The following CCSER1 variants were observed in gnomAD, a reference collection of about 807,000 sequenced individuals.
CCSER1 encodes the protein serine-rich coiled-coil domain-containing protein 1.
In CCSER1, 41 loss-of-function variants were observed where a neutral mutation model predicts 82.0. That is an observed-to-expected ratio of 0.50 (90% CI 0.39 to 0.65). The LOEUF is 0.65. Among genes scored for constraint, CCSER1 ranks in the 30% least tolerant of loss-of-function variants. The pLI, the probability that CCSER1 is intolerant of heterozygous loss-of-function variation, is 0.00. For synonymous variants in CCSER1, 414 were observed against 383.9 expected, an observed-to-expected ratio of 1.08 and a Z score of -0.92; for missense variants, 1,119 against 1,064.2, an observed-to-expected ratio of 1.05 and a Z score of -0.72.
intron 1 of CCSER1, among the ~76,000 whole-genome samples, chr4:90,147,410 C>A (rs1172437140): frequency 6.6e-6 from 1 of 151,978 alleles, no homozygotes; most frequent in African/African-American, 2.4e-5. Context: ...CAAAAGTATT[C>A]CATTATAAAT....
chr4:90,188,040 A>G (rs1178543878), intron 1 of CCSER1, among the ~76,000 whole-genome samples: 1 of 151,832 alleles, frequency 6.6e-6, no homozygotes. Context: ...CTCCTTTTAG[A>G]TTGGTTTACT....
chr4:90,891,023 C>G (rs762411991), intron 8 of CCSER1, among the ~76,000 whole-genome samples: 4 of 151,994 alleles, frequency 2.6e-5, no homozygotes, highest in Non-Finnish European at 5.9e-5. Flanking sequence ...CAATAATATC[C>G]TGATGTAGAT....
At chr4:91,464,370 G>A (rs1756724297) in intron 10 of CCSER1, among the ~76,000 whole-genome samples, 2 of 152,010 alleles carry the variant, frequency 1.3e-5, no homozygotes, top group South Asian at 2.1e-4. Context: ...ACATGCAAAG[G>A]AACAACCGGT....
At chr4:91,530,424 G>T (rs190121651) in intron 10 of CCSER1, among the ~76,000 whole-genome samples, 68 of 152,090 alleles carry the variant, frequency 4.5e-4, no homozygotes, top group Admixed American at 6.5e-4. Context: ...ATTCCCATCT[G>T]TTATATTATC....
intron 6 of CCSER1, among the ~76,000 whole-genome samples, chr4:90,635,700 A>G (rs1036422083): frequency 6.6e-6 from 1 of 151,888 alleles, no homozygotes; most frequent in African/African-American, 2.4e-5. Flanking sequence ...AAGTTCTAGT[A>G]TTAAATAGTA....
At chr4:90,692,033 G>GTA (rs1458125698) in intron 6 of CCSER1, among the ~76,000 whole-genome samples, 8 of 112,318 alleles carry the variant, frequency 7.1e-5, no homozygotes, top group East Asian at 2.7e-4. Flanking sequence ...AATTCAATGT[G>GTA]TGTATATATA....
rs568081354 is a variant in CCSER1, at chr4:90,832,383, G to A, written c.2094+16538G>A. On this transcript the variant is annotated intron_variant, in intron 8 of 10. Coordinates refer to ENST00000509176, the MANE Select transcript of CCSER1 (RefSeq NM_001145065.2). Reference sequence around the variant, plus strand: ...TTTCTGAGCTGCAGTGAATGAGCAAGCTACATAAATAATGAAGCTTTTGTT... The same window carrying A: ...TTTCTGAGCTGCAGTGAATGAGCAAACTACATAAATAATGAAGCTTTTGTT... Among the ~76,000 whole-genome samples the A allele has an allele frequency of 8.1e-4, 123 of 152,148 alleles. 4 individuals are homozygous for A. In the South Asian group the frequency reaches 0.024, roughly 30 times the overall value.
chr4:90,753,365 G>A (rs1420089313), intron 7 of CCSER1, among the ~76,000 whole-genome samples: 1 of 152,032 alleles, frequency 6.6e-6, no homozygotes, highest in African/African-American at 2.4e-5. Flanking sequence ...ATGTCCTTCA[G>A]GTAAAAATAA....
rs1286638608 is a variant in CCSER1 at position 91,559,104 on chromosome 4, A to ATATT, written c.2218-39467_2218-39464dup. 1.4e-4 allele frequency among the ~76,000 whole-genome samples: 21 copies of ATATT among 151,632 alleles called. No homozygotes were observed. In the East Asian group the frequency reaches 4.1e-3, roughly 29 times the overall value. On this transcript the variant is annotated intron_variant, in intron 10 of 10. Coordinates refer to ENST00000509176, the MANE Select transcript of CCSER1 (RefSeq NM_001145065.2). ...TGTCTAGTTAAGTATGTGTCATCTA[A>ATATT]TATTAACTAACAAAGTTTGGATATG...
intron 5 of CCSER1, among the ~76,000 whole-genome samples, chr4:90,534,440 T>TG (rs1775029941): frequency 2.1e-5 from 3 of 142,222 alleles, no homozygotes; most frequent in Admixed American, 7.0e-5. Context: ...GTGCCAGCCT[T>TG]TTGTGTGTGT....
intron 4 of CCSER1, among the ~76,000 whole-genome samples, chr4:90,461,460 T>C (rs1233049552): frequency 1.3e-5 from 2 of 152,158 alleles, no homozygotes; most frequent in African/African-American, 4.8e-5. Context: ...AATACTAATG[T>C]TTTTAAGTTT....
intron 4 of CCSER1, among the ~76,000 whole-genome samples, chr4:90,432,874 G>A (rs377008360): frequency 1.3e-5 from 2 of 152,062 alleles, no homozygotes; most frequent in Admixed American, 6.6e-5. Context: ...GATTTCTGGG[G>A]AAGTATATTC....
intron 9 of CCSER1, among the ~76,000 whole-genome samples, chr4:90,927,138 C>T (rs1386309522): frequency 2.0e-5 from 3 of 151,944 alleles, no homozygotes; most frequent in African/African-American, 4.8e-5. Flanking sequence ...TTATGGACAG[C>T]TTATGTCCTG....
intron 6 of CCSER1, among the ~76,000 whole-genome samples, chr4:90,717,803 A>G (rs1045557130): frequency 8.0e-5 from 12 of 150,548 alleles, no homozygotes; most frequent in Admixed American, 4.7e-4. Context: ...ATATATGTGT[A>G]TATATATGAG....
chr4:91,047,979 T>G (rs1394233796), intron 9 of CCSER1, among the ~76,000 whole-genome samples: 3 of 152,114 alleles, frequency 2.0e-5, no homozygotes. Context: ...TCTGGTTCTT[T>G]GAGTATAAAT....
intron 5 of CCSER1, among the ~76,000 whole-genome samples, chr4:90,515,045 A>G (rs1315383355): frequency 3.3e-5 from 5 of 151,872 alleles, no homozygotes; most frequent in Non-Finnish European, 7.4e-5. Context: ...TTTTGTAGAG[A>G]TGGGGTTTCA....
intron 10 of CCSER1, among the ~76,000 whole-genome samples, chr4:91,182,876 G>A (rs975746071): frequency 5.3e-5 from 8 of 152,234 alleles, no homozygotes; most frequent in Admixed American, 2.0e-4. Context: ...AACTCCTCCT[G>A]TAAAAGATGA....
At chr4:91,182,440 TC>T (rs2149032355) in intron 10 of CCSER1, among the ~76,000 whole-genome samples, 1 of 152,316 alleles carries the variant, frequency 6.6e-6, no homozygotes, top group East Asian at 1.9e-4. Context: ...TTGGGCAGGC[TC>T]AAAAAATTTA....
intron 10 of CCSER1, among the ~76,000 whole-genome samples, chr4:91,376,741 C>T (rs1750440465): frequency 6.6e-6 from 1 of 151,996 alleles, no homozygotes; most frequent in Non-Finnish European, 1.5e-5. Flanking sequence ...AATATTTTTA[C>T]AAAGTAAACG....
Sources: allele counts gnomAD v4.1 joint callset (sites outside exome capture counted in the v4.1 genomes callset), GRCh38; gene constraint gnomAD v4.1.1; transcripts MANE v1.5; gene names NCBI Gene and HGNC (gene_info 2026-07-23, HGNC 2026-07-21).